Variants in NBPF20 observed in about 807,000 individuals in gnomAD.
NBPF20 encodes NBPF family member NBPF20.
NBPF20 carries 90 observed loss-of-function variants against 68.1 expected under a neutral mutation model. The ratio of observed to expected loss-of-function variants is 1.32; its 90% CI spans 1.11 to 1.58. The LOEUF (loss-of-function observed/expected upper bound fraction) is 1.58, where lower values mean the gene tolerates loss of function less well. Among genes scored for constraint, NBPF20 ranks in the 40% most tolerant of loss-of-function variants. The probability of loss-of-function intolerance (pLI) is 0.00; values close to 1 mark genes in which losing one functional copy is unlikely to be tolerated. For synonymous variants in NBPF20, 290 were observed against 228.1 expected (o/e 1.27, Z -2.45); for missense variants, 816 against 601.2 (o/e 1.36, Z -3.74).
chr1:145,410,766 G>GTA, the NBPF20 span, among the ~76,000 whole-genome samples: 406 of 111,540 alleles, frequency 3.6e-3, no homozygotes, highest in Middle Eastern at 5.2e-3. Context: ...ATATATATAC[G>GTA]TATATATATA....
chr1:145,352,280 C>A (rs1427616753), intron 61 of NBPF20, among the ~76,000 whole-genome samples, 191 bp from the exon 67 acceptor site: 3 of 86,140 alleles, frequency 3.5e-5, no homozygotes, highest in Non-Finnish European at 7.6e-5. Context: ...AAGAGAAAGA[C>A]AGATAGACAC....
chr1:145,397,955 C>T (rs1280473361), intron 7 of NBPF20, among the ~76,000 whole-genome samples: 5 of 152,122 alleles, frequency 3.3e-5, no homozygotes, highest in African/African-American at 1.2e-4. Context: ...ATAAAACAGA[C>T]TTTAAACCAA....
chr1:145,408,778 G>T (rs1395306613), upstream of NBPF20, among the ~76,000 whole-genome samples: 8 of 151,748 alleles, frequency 5.3e-5, no homozygotes, highest in Non-Finnish European at 1.2e-4. Flanking sequence ...TGCTTTTAGG[G>T]GCCTCGTACC....
intron 6 of NBPF20, among the ~76,000 whole-genome samples, 200 bp downstream of exon 11, chr1:145,400,189 G>C (rs1245919941): frequency 6.6e-6 from 1 of 152,160 alleles, no homozygotes; most frequent in East Asian, 1.9e-4. Context: ...ACACTTGCCT[G>C]GGGTTGAGTA....
At position 145,394,113 on chromosome 1, in the gene NBPF20, C is replaced by G. The variant is rs1459347923; in HGVS notation, c.992-178G>C. Among the ~76,000 whole-genome samples the G allele has an allele frequency of 7.5e-4, 114 of 152,172 alleles. 2 individuals are homozygous for G. The East Asian group carries it at 0.021, about 28-fold the overall frequency. On this transcript the variant is annotated intron_variant, in intron 8 of 137. Transcript: ENST00000369373. ...AGTCTTGAGAAAACTGGCTTGGGTT[C>G]TTTCATGAGCCTTGGGCAAAATTCC...
At chr1:145,410,906 T>TAAAC in the NBPF20 span, among the ~76,000 whole-genome samples, 98 of 126,574 alleles carry the variant, frequency 7.7e-4, 1 homozygote, top group African/African-American at 9.4e-4. Flanking sequence ...CACACACGTT[T>TAAAC]GTGTGTGTGT....
chr1:145,292,769 A>T (rs1553658494), intron 136 of NBPF20, among the ~76,000 whole-genome samples: 5 of 111,078 alleles, frequency 4.5e-5, no homozygotes. Context: ...TTTCCAATCA[A>T]CTTAAAGCAA....
chr1:145,410,534 CG>C (rs1180953824), upstream of NBPF20, among the ~76,000 whole-genome samples: 3 of 150,566 alleles, frequency 2.0e-5, no homozygotes, highest in Non-Finnish European at 3.0e-5. Context: ...GGGATGGTCT[CG>C]ATCTCCTGAC....
chr1:145,404,413 G>A (rs587731262), intron 2 of NBPF20, among the ~76,000 whole-genome samples: 25 of 152,022 alleles, frequency 1.6e-4, no homozygotes, highest in Admixed American at 3.3e-4. Flanking sequence ...TGCCCACCAC[G>A]ACGCCCATCT....
intron 3 of NBPF20, 83 bp downstream of exon 8, chr1:145,403,133 G>C (rs1662605704): frequency 6.5e-7 from 1 of 1,526,994 alleles, no homozygotes; most frequent in Non-Finnish European, 9.1e-7. Flanking sequence ...GCCCAGCTTA[G>C]CTCTTACGTC....
chr1:145,311,831 C>T (rs1205735749), intron 112 of NBPF20, among the ~76,000 whole-genome samples: 13,036 of 99,852 alleles, frequency 0.13, 42 homozygotes, highest in Non-Finnish European at 0.17. Context: ...CCTGTCTCAT[C>T]AAATACTCAG....
chr1:145,291,567 G>C (rs1553657594), exon 138 of NBPF20: 4 of 1,612,012 alleles, frequency 2.5e-6, no homozygotes, highest in South Asian at 2.2e-5. Flanking sequence ...ACCAGGTGGA[G>C]ACTTGTCACC....
the NBPF20 span, among the ~76,000 whole-genome samples, chr1:145,424,022 C>T: frequency 6.9e-6 from 1 of 145,652 alleles, no homozygotes; most frequent in Non-Finnish European, 1.5e-5. Flanking sequence ...GCCACCCAGG[C>T]GGGAGTGCAC....
intron 7 of NBPF20, among the ~76,000 whole-genome samples, chr1:145,395,689 C>A (rs1662199383): frequency 6.7e-6 from 1 of 148,888 alleles, no homozygotes; most frequent in South Asian, 2.1e-4. Flanking sequence ...GAATAGGCAA[C>A]ACCAAGAAAT....
At chr1:145,421,311 C>T in the NBPF20 span, among the ~76,000 whole-genome samples, 8 of 152,132 alleles carry the variant, frequency 5.3e-5, no homozygotes, top group Non-Finnish European at 1.0e-4. Flanking sequence ...CAGGCTGTCT[C>T]GCTGAGCTTT....
At chr1:145,399,917 T>G (rs1163262835) in intron 6 of NBPF20, among the ~76,000 whole-genome samples, 6 of 151,836 alleles carry the variant, frequency 4.0e-5, no homozygotes, top group Non-Finnish European at 8.8e-5. Context: ...GTTTCTGTCC[T>G]GATTTCAGGG....
At chr1:145,404,685 C>G (rs868972704) in intron 2 of NBPF20, among the ~76,000 whole-genome samples, 69 of 152,180 alleles carry the variant, frequency 4.5e-4, no homozygotes, top group East Asian at 1.7e-3. Flanking sequence ...CACTAGAACA[C>G]AGCTTTGCCT....
At position 145,292,256 on chromosome 1, in the gene NBPF20, G is replaced by A. The variant is rs587694042; in HGVS notation, c.16697+125C>T. 3.5e-5 allele frequency: 22 copies of A among 620,086 alleles called. 1 individual carries two copies. The highest frequency in any genetic ancestry group is 1.4e-4 in the African/African-American group (7 of 50,070). 38.4% of individuals were successfully genotyped at this position (620,086 alleles called of 1,614,324 possible). A position where few individuals can be genotyped will look rare whatever the true frequency, so the allele number is the denominator to read the frequency against. ...ACATCTACTGCAATGAAAACCAACA[G>A]CAATGACAGTAGGAGTAATTCAGCC... is the stretch of plus-strand genomic sequence containing the variant. On this transcript the variant is annotated intron_variant, in intron 137 of 137. Coordinates refer to ENST00000369373, the Ensembl canonical transcript of NBPF20.
At position 145,393,328 on chromosome 1, in the gene NBPF20, A is replaced by G; in HGVS notation, c.1044-82T>C. On this transcript the variant is annotated intron_variant, in intron 9 of 137. Transcript: ENST00000369373. ...CCCAGCTAGATTTCATGGCTAACGT[A>G]AGGAAGAGTTTGAAAAGAAAAAGGA... 8.8e-6 allele frequency: 6 copies of G among 684,926 alleles called. No homozygotes were observed. The South Asian group carries it at 1.0e-4, about 11-fold the overall frequency. 42.4% of individuals were successfully genotyped at this position (684,926 alleles called of 1,614,324 possible).
Sources: gnomAD v4.1 joint callset for allele counts (sites outside exome capture counted in the v4.1 genomes callset) on GRCh38, gnomAD v4.1.1 for gene constraint, MANE v1.5 for transcripts, NCBI Gene and HGNC (gene_info 2026-07-23, HGNC 2026-07-21) for gene names.